SLC9A2: variants seen among roughly 807,000 people sequenced by gnomAD.
The protein encoded by SLC9A2 is solute carrier family 9 member A2.
SLC9A2 carries 42 observed loss-of-function variants against 71.7 expected under a neutral mutation model. That is an observed-to-expected ratio of 0.59 (90% CI 0.46 to 0.76). The LOEUF (loss-of-function observed/expected upper bound fraction) is 0.76. Ranked by LOEUF, SLC9A2 falls within the 30% of genes least tolerant of loss-of-function variation. The pLI, the probability that SLC9A2 is intolerant of heterozygous loss-of-function variation, is 0.00. For missense variants in SLC9A2, 829 were observed against 1,017.4 expected, an observed-to-expected ratio of 0.81 and a Z score of 2.52; for synonymous variants, 396 against 392.5, an observed-to-expected ratio of 1.01 and a Z score of -0.10.
intron 11 of SLC9A2, among the ~76,000 whole-genome samples, chr2:102,707,768 G>C (rs1005724182): frequency 5.9e-5 from 9 of 152,140 alleles, no homozygotes; most frequent in Admixed American, 1.3e-4. Context: ...GGCTCTGTTG[G>C]AATCCCAGCT....
At position 102,695,093 on chromosome 2, in the gene SLC9A2, TC is replaced by T. The variant is rs753622029; in HGVS notation, c.1567del (p.His523ThrfsTer20). On this transcript the variant is annotated frameshift_variant, in exon 7 of 12. Coordinates refer to ENST00000233969, the MANE Select transcript of SLC9A2 (RefSeq NM_003048.6). LOFTEE classifies it high-confidence loss of function. Reference sequence around the variant, plus strand: ...TTGAAGATGTTTGTGGACATTGGGGTCACAACTTTTGGAGAGACAAGTAAGA... The same window carrying T: ...TTGAAGATGTTTGTGGACATTGGGGTACAACTTTTGGAGAGACAAGTAAGA... ...GIEDVCGHWG[H>X]NFWRDKFKKF... 8.1e-6 allele frequency: 13 copies of T among 1,613,712 alleles called. No individual in the cohort carries two copies.
intron 3 of SLC9A2, among the ~76,000 whole-genome samples, chr2:102,671,582 T>C (rs111842570): frequency 1.2e-4 from 18 of 152,218 alleles, no homozygotes; most frequent in African/African-American, 4.3e-4. Context: ...AACCTTAACC[T>C]AGAGAAATGT....
Position 102,708,424 on chromosome 2 carries a change from C to T in SLC9A2, c.2374C>T (p.Arg792Trp), listed in dbSNP as rs774494897. The T allele has an allele frequency of 2.7e-5, 44 of 1,614,094 alleles. No homozygotes were observed. In the Admixed American group the frequency reaches 6.0e-4, roughly 22 times the overall value. Residue 792 changes from arginine to tryptophan, a missense_variant, in exon 12 of 12, where the codon CGG (arginine) becomes TGG (tryptophan). Transcript: ENST00000233969. ...TEGIPPKPPP[R>W]LVWRASEPGS... ...AGGCATCCCGCCCAAGCCGCCACCA[C>T]GGCTGGTCTGGAGGGCATCGGAACC...
chr2:102,678,756 C>A (rs967314571), intron 3 of SLC9A2, among the ~76,000 whole-genome samples: 1 of 152,116 alleles, frequency 6.6e-6, no homozygotes, highest in Non-Finnish European at 1.5e-5. Flanking sequence ...CTGTAAGTTT[C>A]TTGTGATTCT....
intron 11 of SLC9A2, among the ~76,000 whole-genome samples, chr2:102,706,822 C>T (rs376792510): frequency 2.6e-5 from 4 of 152,178 alleles, no homozygotes. Context: ...TGAAAGCAGC[C>T]ATATATTTAT....
chr2:102,680,914 A>AG (rs542055925), intron 3 of SLC9A2, among the ~76,000 whole-genome samples: 3 of 149,332 alleles, frequency 2.0e-5, no homozygotes, highest in African/African-American at 7.7e-5. Context: ...CAAGGAATGC[A>AG]GGGGGGCCTC....
chr2:102,683,750 TTTCTC>T (rs1677498573), intron 4 of SLC9A2, among the ~76,000 whole-genome samples: 1 of 97,018 alleles, frequency 1.0e-5, no homozygotes, highest in Admixed American at 1.3e-4. Flanking sequence ...CCTGTTTCTC[TTTCTC>T]CTCCTCTTCC....
chr2:102,628,988 A>G (rs1676307101), intron 1 of SLC9A2, among the ~76,000 whole-genome samples: 1 of 152,168 alleles, frequency 6.6e-6, no homozygotes, highest in African/African-American at 2.4e-5. Flanking sequence ...TGAAAAAACA[A>G]TGTGTATTCT....
chr2:102,681,830 A>G (rs62152068), intron 3 of SLC9A2, among the ~76,000 whole-genome samples: 3 of 152,234 alleles, frequency 2.0e-5, no homozygotes, highest in Non-Finnish European at 4.4e-5. Flanking sequence ...AAAAATAAAC[A>G]TACCTGCCTT....
chr2:102,648,680 C>A (rs933689578), intron 1 of SLC9A2, among the ~76,000 whole-genome samples: 3 of 152,160 alleles, frequency 2.0e-5, no homozygotes, highest in Non-Finnish European at 4.4e-5. Flanking sequence ...CACAAATATT[C>A]CTATACACCA....
intron 3 of SLC9A2, among the ~76,000 whole-genome samples, chr2:102,669,433 A>ATGTG (rs144885926): frequency 6.6e-6 from 1 of 151,940 alleles, no homozygotes; most frequent in South Asian, 2.1e-4. Context: ...CAATAGGGAA[A>ATGTG]TGTGTGTGTG....
intron 7 of SLC9A2, among the ~76,000 whole-genome samples, chr2:102,698,494 C>T (rs1318619419): frequency 6.6e-6 from 1 of 152,268 alleles, no homozygotes; most frequent in South Asian, 2.1e-4. Flanking sequence ...CTCAGCTGCT[C>T]AGAACACGTC....
At chr2:102,666,299 C>T (rs1017339099) in intron 3 of SLC9A2, among the ~76,000 whole-genome samples, 1 of 150,346 alleles carries the variant, frequency 6.7e-6, no homozygotes, top group African/African-American at 2.4e-5. Flanking sequence ...GGGTTCACAC[C>T]ATTCTCCTGC....
chr2:102,665,208 A>T lies in SLC9A2; in HGVS notation c.862A>T (p.Ile288Phe), dbSNP rs770233172. 6.2e-7 allele frequency: 1 copy of T among 1,613,822 alleles called. No individual in the cohort carries two copies. Among genetic ancestry groups the T allele is most frequent in the Non-Finnish European group, 8.5e-7 (1 of 1,179,980 alleles). Reference protein sequence around the residue: ...FFVVGIGGVLIGIFLGFIAAF... With the variant: ...FFVVGIGGVLFGIFLGFIAAF... Reference sequence around the variant, plus strand: ...TGTTGTGGGAATCGGTGGGGTGCTGATTGGCATCTTCTTGGGCTTTATAGC... The same window carrying T: ...TGTTGTGGGAATCGGTGGGGTGCTGTTTGGCATCTTCTTGGGCTTTATAGC... Residue 288 changes from isoleucine to phenylalanine, a missense_variant, in exon 3 of 12, where the codon ATT (isoleucine) becomes TTT (phenylalanine). Physicochemically the swap from Ile to Phe is conservative, Grantham distance 21. Transcript: ENST00000233969.
intron 5 of SLC9A2, among the ~76,000 whole-genome samples, chr2:102,690,934 C>CA (rs1677647067): frequency 8.3e-6 from 1 of 120,314 alleles, no homozygotes; most frequent in African/African-American, 3.0e-5. Flanking sequence ...ATATTAATTC[C>CA]AAAAAGCAAC....
intron 2 of SLC9A2, among the ~76,000 whole-genome samples, chr2:102,660,521 G>A (rs560207404): frequency 2.6e-5 from 4 of 152,300 alleles, no homozygotes; most frequent in South Asian, 4.1e-4. Context: ...TGAATTGAGC[G>A]TGTGTTAAGA....
intron 1 of SLC9A2, among the ~76,000 whole-genome samples, chr2:102,632,365 G>A (rs1014705579): frequency 9.3e-5 from 14 of 150,132 alleles, no homozygotes; most frequent in African/African-American, 3.4e-4. Flanking sequence ...CTTAAGCCAA[G>A]AGAAGCATGT....
intron 7 of SLC9A2, among the ~76,000 whole-genome samples, chr2:102,696,189 T>A (rs1018011233): frequency 1.3e-5 from 2 of 152,070 alleles, no homozygotes; most frequent in African/African-American, 4.8e-5. Flanking sequence ...AGGGCTTATA[T>A]CATGGAACTG....
At chr2:102,635,585 C>T (rs946750379) in intron 1 of SLC9A2, among the ~76,000 whole-genome samples, 2 of 152,244 alleles carry the variant, frequency 1.3e-5, no homozygotes, top group Non-Finnish European at 2.9e-5. Flanking sequence ...CATCCCTCCT[C>T]AAGAGAGGTT....
Sources: allele counts gnomAD v4.1 joint callset (sites outside exome capture counted in the v4.1 genomes callset), GRCh38; gene constraint gnomAD v4.1.1; transcripts MANE v1.5; gene names NCBI Gene and HGNC (gene_info 2026-07-23, HGNC 2026-07-21).